LYPLAL1: variants seen among roughly 807,000 people sequenced by gnomAD.
LYPLAL1 encodes the protein lysophospholipase-like protein 1.
LYPLAL1 carries 23 observed loss-of-function variants against 19.7 expected under a neutral mutation model. The observed-to-expected ratio is 1.17, with a 90% CI of 0.84 to 1.65. The LOEUF is 1.65. Among genes scored for constraint, LYPLAL1 ranks in the 40% most tolerant of loss-of-function variants. The pLI is 0.00. For missense variants in LYPLAL1, 355 were observed against 279.4 expected (o/e 1.27, Z -1.93); for synonymous variants, 119 against 96.3 (o/e 1.24, Z -1.38).
At chr1:219,286,549 G>A in the LYPLAL1 span, among the ~76,000 whole-genome samples, 1 of 152,146 alleles carries the variant, frequency 6.6e-6, no homozygotes, top group Non-Finnish European at 1.5e-5. Flanking sequence ...TATGTAAAAT[G>A]CATTCTAGCA....
intron 3 of LYPLAL1, among the ~76,000 whole-genome samples, chr1:219,203,640 A>G (rs988790858): frequency 3.3e-5 from 5 of 152,328 alleles, no homozygotes; most frequent in South Asian, 4.1e-4. Context: ...GGACAGAAAC[A>G]TGTTCATGAA....
At chr1:219,202,569 A>C (rs1467295368) in intron 3 of LYPLAL1, among the ~76,000 whole-genome samples, 1 of 152,224 alleles carries the variant, frequency 6.6e-6, no homozygotes, top group East Asian at 1.9e-4. Flanking sequence ...TTTAAGTGCT[A>C]TTCATAACGT....
chr1:219,408,520 AG>A, the LYPLAL1 span, among the ~76,000 whole-genome samples: 1 of 152,152 alleles, frequency 6.6e-6, no homozygotes, highest in Non-Finnish European at 1.5e-5. Context: ...ATGTTTTCAC[AG>A]TCAAGGAAAA....
chr1:219,269,459 A>G, the LYPLAL1 span, among the ~76,000 whole-genome samples: 2 of 151,810 alleles, frequency 1.3e-5, no homozygotes, highest in African/African-American at 4.8e-5. Flanking sequence ...ACATAGCAGA[A>G]TAAGTCACCT....
chr1:219,383,388 A>C, the LYPLAL1 span, among the ~76,000 whole-genome samples: 1 of 152,234 alleles, frequency 6.6e-6, no homozygotes, highest in Non-Finnish European at 1.5e-5. Context: ...ATGTAGTGGC[A>C]TATTTATGAC....
At chr1:219,242,106 G>C in the LYPLAL1 span, among the ~76,000 whole-genome samples, 1 of 152,160 alleles carries the variant, frequency 6.6e-6, no homozygotes, top group African/African-American at 2.4e-5. Context: ...CTATTAAGTT[G>C]AGAGGGTAAG....
chr1:219,380,026 A>T, the LYPLAL1 span, among the ~76,000 whole-genome samples: 1 of 152,242 alleles, frequency 6.6e-6, no homozygotes, highest in African/African-American at 2.4e-5. Context: ...GTGGATGGAC[A>T]CCACGAACTG....
the LYPLAL1 span, among the ~76,000 whole-genome samples, chr1:219,362,397 T>C: frequency 2.6e-5 from 4 of 152,146 alleles, no homozygotes; most frequent in South Asian, 2.1e-4. Context: ...AGATAACCCA[T>C]GGAAAGAACT....
At chr1:219,201,060 T>TA in intron 3 of LYPLAL1, among the ~76,000 whole-genome samples, 1 of 152,328 alleles carries the variant, frequency 6.6e-6, no homozygotes, top group African/African-American at 2.4e-5. Flanking sequence ...CAGTTGATAC[T>TA]TCCAACCATC....
the LYPLAL1 span, among the ~76,000 whole-genome samples, chr1:219,411,205 C>T: frequency 8.3e-6 from 1 of 120,056 alleles, no homozygotes. Flanking sequence ...CAAGGTTTGT[C>T]AGTGCACCAA....
intron 3 of LYPLAL1, 185 bp downstream of exon 3, chr1:219,193,436 T>C: frequency 2.8e-6 from 1 of 356,934 alleles, no homozygotes; most frequent in Non-Finnish European, 4.9e-6. Context: ...GCATGAAACT[T>C]TAATTGATTT....
At chr1:219,312,167 G>A in the LYPLAL1 span, among the ~76,000 whole-genome samples, 1 of 152,142 alleles carries the variant, frequency 6.6e-6, no homozygotes, top group Admixed American at 6.5e-5. Context: ...TTGAGGAGAA[G>A]GACATATTGC....
intron 3 of LYPLAL1, among the ~76,000 whole-genome samples, chr1:219,204,317 A>G (rs1216094385): frequency 1.3e-5 from 2 of 152,210 alleles, no homozygotes; most frequent in East Asian, 1.9e-4. Context: ...TGAGAAAATT[A>G]TTAATAATAG....
the LYPLAL1 span, among the ~76,000 whole-genome samples, chr1:219,383,935 G>C: frequency 6.6e-6 from 1 of 152,126 alleles, no homozygotes; most frequent in Non-Finnish European, 1.5e-5. Flanking sequence ...TTTTCTGTTA[G>C]GGCTATAGCA....
intron 2 of LYPLAL1, among the ~76,000 whole-genome samples, chr1:219,186,878 T>G (rs1656764605): frequency 6.6e-6 from 1 of 151,732 alleles, no homozygotes; most frequent in African/African-American, 2.4e-5. Context: ...TATGCTTGAA[T>G]TTAGGTCTAC....
At chr1:219,216,220 T>C (rs961435091), downstream of LYPLAL1, among the ~76,000 whole-genome samples, 2 of 152,150 alleles carry the variant, frequency 1.3e-5, no homozygotes, top group Non-Finnish European at 2.9e-5. Flanking sequence ...TTTCTGAGTC[T>C]ATCATTTTTG....
At chr1:219,276,926 T>C in the LYPLAL1 span, among the ~76,000 whole-genome samples, 1 of 152,198 alleles carries the variant, frequency 6.6e-6, no homozygotes, top group Non-Finnish European at 1.5e-5. Flanking sequence ...GAATGGCTTT[T>C]ATCACATCAA....
At chr1:219,310,849 A>T in the LYPLAL1 span, among the ~76,000 whole-genome samples, 1 of 152,206 alleles carries the variant, frequency 6.6e-6, no homozygotes. Context: ...CATGTTCTCT[A>T]TCTTCTCTTG....
the LYPLAL1 span, among the ~76,000 whole-genome samples, chr1:219,264,520 G>T: frequency 3.9e-5 from 6 of 152,182 alleles, no homozygotes; most frequent in African/African-American, 1.4e-4. Context: ...CTCTCATGAT[G>T]GCTTTATGCC....
Sources: allele counts gnomAD v4.1 joint callset (sites outside exome capture counted in the v4.1 genomes callset), GRCh38; gene constraint gnomAD v4.1.1; transcripts MANE v1.5; gene names NCBI Gene and HGNC (gene_info 2026-07-23, HGNC 2026-07-21).